The following TCF12 variants were observed in gnomAD, a reference collection of about 807,000 sequenced individuals.
TCF12 encodes the protein transcription factor 12.
TCF12 carries 45 observed loss-of-function variants against 86.0 expected under a neutral mutation model. The observed-to-expected ratio is 0.52, with a 90% CI of 0.41 to 0.67. The LOEUF is 0.67. Ranked by LOEUF, TCF12 falls within the 30% of genes least tolerant of loss-of-function variation. The pLI, the probability that TCF12 is intolerant of heterozygous loss-of-function variation, is 0.00. For missense variants in TCF12, 881 were observed against 859.9 expected (o/e 1.02, Z -0.31); for synonymous variants, 330 against 299.6 (o/e 1.10, Z -1.05).
intron 5 of TCF12, among the ~76,000 whole-genome samples, chr15:57,096,845 T>C (rs1395477392): frequency 1.3e-5 from 2 of 152,140 alleles, no homozygotes; most frequent in Non-Finnish European, 2.9e-5. Context: ...ACAGGTTGGG[T>C]CTAATTGCTC....
chr15:57,203,593 C>A (rs2057662895), intron 8 of TCF12, among the ~76,000 whole-genome samples: 1 of 152,158 alleles, frequency 6.6e-6, no homozygotes, highest in South Asian at 2.1e-4. Flanking sequence ...ACGTGTCTTA[C>A]AAGTTTTGAA....
At chr15:57,015,170 T>C (rs1198721885) in intron 3 of TCF12, among the ~76,000 whole-genome samples, 3 of 152,092 alleles carry the variant, frequency 2.0e-5, no homozygotes, top group Admixed American at 6.6e-5. Flanking sequence ...TACTTGTAAT[T>C]CTGGCTACTC....
intron 8 of TCF12, among the ~76,000 whole-genome samples, chr15:57,224,932 AT>A (rs1230361102): frequency 1.3e-5 from 2 of 152,138 alleles, no homozygotes; most frequent in Non-Finnish European, 2.9e-5. Flanking sequence ...TGAAATTACC[AT>A]TAAAAACTCT....
chr15:57,033,348 T>A (rs186186679), intron 3 of TCF12, among the ~76,000 whole-genome samples: 119 of 152,290 alleles, frequency 7.8e-4, no homozygotes, highest in Middle Eastern at 3.4e-3. Flanking sequence ...CATGAGAATT[T>A]AAAAAATAAT....
intron 3 of TCF12, among the ~76,000 whole-genome samples, chr15:57,001,097 A>G (rs1346562339): frequency 4.0e-5 from 6 of 150,418 alleles, no homozygotes; most frequent in African/African-American, 1.2e-4. Flanking sequence ...GCTCACTGCA[A>G]CCTGTACCTC....
At chr15:56,932,624 A>G (rs2060298084) in intron 3 of TCF12, among the ~76,000 whole-genome samples, 1 of 151,950 alleles carries the variant, frequency 6.6e-6, no homozygotes, top group Non-Finnish European at 1.5e-5. Context: ...GCTGGAGTGC[A>G]ATGGTGCAAT....
intron 16 of TCF12, among the ~76,000 whole-genome samples, chr15:57,256,245 G>A (rs567172158): frequency 2.0e-5 from 3 of 152,272 alleles, no homozygotes; most frequent in South Asian, 4.1e-4. Flanking sequence ...GACTATCCCC[G>A]CAGAGTCTTA....
At chr15:56,931,441 A>G (rs1238584676) in intron 3 of TCF12, among the ~76,000 whole-genome samples, 1 of 152,170 alleles carries the variant, frequency 6.6e-6, no homozygotes, top group African/African-American at 2.4e-5. Flanking sequence ...TATAAGAAGC[A>G]TTATATGATC....
chr15:57,122,031 C>CTATA (rs1368995374), intron 5 of TCF12, among the ~76,000 whole-genome samples: 1 of 149,082 alleles, frequency 6.7e-6, no homozygotes, highest in East Asian at 2.0e-4. Context: ...CATTTATTGT[C>CTATA]TACTATATGC....
rs189351368 is a variant in TCF12, at chr15:56,943,455, A to G, written c.148+22357A>G. ...GTCCTACTGTAATAAAAAGCCTTCA[A>G]TAAAATGTTAGTTCCTTATGTATAG... On this transcript the variant is annotated intron_variant, in intron 3 of 20. Coordinates refer to ENST00000333725, the MANE Select transcript of TCF12 (RefSeq NM_207037.2). 1.4e-4 allele frequency among the ~76,000 whole-genome samples: 22 copies of G among 152,346 alleles called. No individual in the cohort carries two copies. In the East Asian group the frequency reaches 3.7e-3, roughly 25 times the overall value.
intron 8 of TCF12, among the ~76,000 whole-genome samples, chr15:57,202,318 TTA>T (rs1380267410): frequency 6.6e-6 from 1 of 152,174 alleles, no homozygotes; most frequent in Non-Finnish European, 1.5e-5. Context: ...ATTCTGTCAA[TTA>T]TGTTTTTACT....
intron 3 of TCF12, among the ~76,000 whole-genome samples, chr15:56,968,879 G>T (rs559093521): frequency 6.6e-6 from 1 of 152,294 alleles, no homozygotes; most frequent in East Asian, 1.9e-4. Flanking sequence ...GTTTGGTTTG[G>T]TAAGGCGGGA....
At chr15:57,029,401 T>G (rs1055665004) in intron 3 of TCF12, among the ~76,000 whole-genome samples, 8 of 152,216 alleles carry the variant, frequency 5.3e-5, no homozygotes, top group African/African-American at 1.9e-4. Context: ...TGAGCCTTCG[T>G]ACTTCCATAT....
At chr15:56,983,039 T>C (rs915094172) in intron 3 of TCF12, among the ~76,000 whole-genome samples, 4 of 152,212 alleles carry the variant, frequency 2.6e-5, no homozygotes, top group Non-Finnish European at 4.4e-5. Flanking sequence ...GGAAGCACAT[T>C]GAGAGAAACA....
rs2061983626 is a variant in TCF12, at chr15:57,287,874, G to T, written c.*1729G>T. On this transcript the variant is annotated 3_prime_UTR_variant, in exon 21 of 21. Transcript: ENST00000333725. ...ATCTGTGGCCTTGTTCTTCATTTCA[G>T]TGTTAATCAGCTAAACAGAAGTTGT... 6.6e-6 allele frequency: 1 copy of T among 152,612 alleles called. No individual in the cohort carries two copies. The highest frequency in any genetic ancestry group is 1.5e-5 in the Non-Finnish European group (1 of 68,034). The allele number at this position is 152,612 out of a possible 1,614,324, so 9.5% of individuals were successfully genotyped here.
intron 3 of TCF12, among the ~76,000 whole-genome samples, chr15:56,955,666 C>T (rs2061479811): frequency 6.6e-6 from 1 of 152,086 alleles, no homozygotes; most frequent in Non-Finnish European, 1.5e-5. Context: ...ATATGGTTTG[C>T]CTTGGCAAAT....
At position 57,137,703 on chromosome 15, in the gene TCF12, A is replaced by G. The variant is rs572639868; in HGVS notation, c.326-28699A>G. ...TTATTTTTATATTGGCAGAGATTAT[A>G]ATTCTGAGGTACTATGCTTATAGGA... On this transcript the variant is annotated intron_variant, in intron 5 of 20. Coordinates refer to ENST00000333725, the MANE Select transcript of TCF12 (RefSeq NM_207037.2). 2.0e-5 allele frequency among the ~76,000 whole-genome samples: 3 copies of G among 152,210 alleles called. No individual in the cohort carries two copies. The South Asian group carries it at 6.2e-4, about 32-fold the overall frequency.
In TCF12 at chr15:57,252,485, T is replaced by C; in HGVS notation, c.1253T>C (p.Val418Ala). The C allele has an allele frequency of 6.2e-7, 1 of 1,613,758 alleles. No homozygotes were observed. ...LQDAMSFLKDVCEQSRMEDRL... is the reference protein window; with the variant it reads ...LQDAMSFLKDACEQSRMEDRL... ...GATGCAATGTCCTTCTTAAAGGATG[T>C]CTGTGAGGTACTATTTCTTTTAGAT... Residue 418 changes from valine to alanine, a missense_variant, in exon 15 of 21, where the codon GTC becomes GCC. Around this residue, in one of 3 missense-constraint regions of TCF12, gnomAD observed 766 missense variants for 718.9 expected, o/e 1.07. Transcript: ENST00000333725.
intron 19 of TCF12, among the ~76,000 whole-genome samples, chr15:57,281,101 ATTCT>A (rs2061663965): frequency 2.0e-5 from 2 of 98,250 alleles, no homozygotes; most frequent in East Asian, 3.2e-4. Context: ...GTAGCACCCT[ATTCT>A]TTTTTTTTTT....
Sources: gnomAD v4.1 joint callset for allele counts (sites outside exome capture counted in the v4.1 genomes callset) on GRCh38, gnomAD v4.1.1 for gene constraint, gnomAD v4.1.1 regional missense constraint, MANE v1.5 for transcripts, NCBI Gene and HGNC (gene_info 2026-07-23, HGNC 2026-07-21) for gene names.